The following PPME1 variants were observed in gnomAD, a reference collection of about 807,000 sequenced individuals.
PPME1 encodes testicular secretory protein Li 39.
Under a neutral mutation model 56.9 loss-of-function variants are expected in PPME1, and 17 were observed. The ratio of observed to expected loss-of-function variants is 0.30; its 90% CI spans 0.20 to 0.45. The LOEUF is 0.45. PPME1 is among the 20% of genes least tolerant of loss of function. The pLI is 1.00. For missense variants in PPME1, 357 were observed against 483.2 expected, an observed-to-expected ratio of 0.74 and a Z score of 2.45; for synonymous variants, 122 against 156.2, an observed-to-expected ratio of 0.78 and a Z score of 1.63.
chr11:74,189,384 G>T (rs1857775798), intron 1 of PPME1, among the ~76,000 whole-genome samples: 1 of 152,056 alleles, frequency 6.6e-6, no homozygotes, highest in South Asian at 2.1e-4. Context: ...TGACTCCCTG[G>T]GCTCAAGCTG....
chr11:74,233,072 C>T (rs972234564), intron 7 of PPME1, among the ~76,000 whole-genome samples: 3 of 151,620 alleles, frequency 2.0e-5, no homozygotes, highest in Non-Finnish European at 4.4e-5. Flanking sequence ...TGTGTCAGTA[C>T]CTGATCTAAG....
intron 11 of PPME1, chr11:74,247,459 T>A: frequency 5.6e-6 from 1 of 180,084 alleles, no homozygotes; most frequent in Non-Finnish European, 1.1e-5. Context: ...ATATTCTGAC[T>A]ACTGATCAGT....
At chr11:74,215,328 C>A (rs1037627259) in intron 3 of PPME1, among the ~76,000 whole-genome samples, 1 of 151,970 alleles carries the variant, frequency 6.6e-6, no homozygotes, top group Admixed American at 6.6e-5. Context: ...CAACTTGAGA[C>A]CCTGTCTTAG....
chr11:74,194,525 A>C (rs974374886), intron 1 of PPME1, among the ~76,000 whole-genome samples: 1 of 151,838 alleles, frequency 6.6e-6, no homozygotes, highest in Non-Finnish European at 1.5e-5. Flanking sequence ...GCGTTTAAGA[A>C]GAACGAATGA....
chr11:74,242,771 C>T (rs577501593), intron 9 of PPME1, among the ~76,000 whole-genome samples: 2 of 148,368 alleles, frequency 1.3e-5, no homozygotes, highest in Non-Finnish European at 3.0e-5. Context: ...CCCAGCTACT[C>T]GGGAGGCTGA....
chr11:74,223,926 G>C (rs1337876172), intron 4 of PPME1, among the ~76,000 whole-genome samples: 1 of 150,094 alleles, frequency 6.7e-6, no homozygotes, highest in East Asian at 2.0e-4. Flanking sequence ...TTCTTTTGCT[G>C]TGCAGAAGCT....
chr11:74,207,976 A>G (rs759922737), intron 3 of PPME1, among the ~76,000 whole-genome samples: 1 of 152,160 alleles, frequency 6.6e-6, no homozygotes, highest in Non-Finnish European at 1.5e-5. Context: ...TACTGAGTAT[A>G]TTCTATATCC....
intron 12 of PPME1, chr11:74,251,264 T>C: frequency 2.2e-6 from 3 of 1,371,972 alleles, no homozygotes; most frequent in Non-Finnish European, 2.8e-6. Flanking sequence ...GTTAAGATCT[T>C]AAGCTCTACT....
At chr11:74,232,439 G>T (rs1859090809) in intron 7 of PPME1, among the ~76,000 whole-genome samples, 1 of 152,194 alleles carries the variant, frequency 6.6e-6, no homozygotes, top group Admixed American at 6.5e-5. Flanking sequence ...TGGCTTGTCA[G>T]AATGATGTTT....
intron 1 of PPME1, among the ~76,000 whole-genome samples, chr11:74,176,721 CTTTTTT>C (rs780832040): frequency 9.8e-6 from 1 of 102,174 alleles, no homozygotes; most frequent in Admixed American, 1.1e-4. Flanking sequence ...GTGTAGTGTC[CTTTTTT>C]TTTTTTTTTT....
intron 3 of PPME1, among the ~76,000 whole-genome samples, chr11:74,211,964 A>C (rs1858488624): frequency 1.3e-5 from 2 of 152,328 alleles, no homozygotes; most frequent in South Asian, 4.1e-4. Context: ...AGAAGCCTCC[A>C]CTTGTCGTCC....
chr11:74,229,326 G>A (rs1859009675), intron 5 of PPME1, among the ~76,000 whole-genome samples: 1 of 152,176 alleles, frequency 6.6e-6, no homozygotes, highest in African/African-American at 2.4e-5. Flanking sequence ...GGTAGAACTA[G>A]CCTAAAAATA....
At chr11:74,197,213 T>C (rs1283593075) in intron 1 of PPME1, among the ~76,000 whole-genome samples, 1 of 152,226 alleles carries the variant, frequency 6.6e-6, no homozygotes, top group Non-Finnish European at 1.5e-5. Context: ...GCCTCAAAGC[T>C]ATTTAATAAT....
At position 74,187,210 on chromosome 11, in the gene PPME1, A is replaced by T. The variant is rs192776534; in HGVS notation, c.101+15688A>T. On this transcript the variant is annotated intron_variant, in intron 1 of 13. Coordinates refer to ENST00000328257, the MANE Select transcript of PPME1 (RefSeq NM_016147.3). The stretch of plus-strand genomic sequence containing the variant: ...AATGTTTCCAACTTTGTTCTTTTTT[A>T]AAAAACTTATTTTGGGTCCCTTGAA... Among the ~76,000 whole-genome samples the T allele has an allele frequency of 6.0e-3, 912 of 152,236 alleles. 4 individuals carry two copies. The highest frequency in any genetic ancestry group is 0.011 in the Non-Finnish European group (721 of 67,994).
chr11:74,220,061 A>T (rs115755858), intron 3 of PPME1, among the ~76,000 whole-genome samples: 1,755 of 152,252 alleles, frequency 0.012, 32 homozygotes, highest in African/African-American at 0.04. Context: ...CAAATTTTTT[A>T]AAAAACAATA....
At chr11:74,207,535 A>G (rs1858358506) in intron 3 of PPME1, among the ~76,000 whole-genome samples, 2 of 152,252 alleles carry the variant, frequency 1.3e-5, no homozygotes, top group South Asian at 4.1e-4. Flanking sequence ...GATAGTCTTT[A>G]AATATCTAGA....
chr11:74,176,424 A>G (rs747567792), intron 1 of PPME1, among the ~76,000 whole-genome samples: 8 of 151,968 alleles, frequency 5.3e-5, no homozygotes, highest in Non-Finnish European at 1.0e-4. Context: ...ATCAAATCCC[A>G]GTATTTCTGT....
chr11:74,195,714 A>G (rs1050259141), intron 1 of PPME1, among the ~76,000 whole-genome samples: 1 of 152,176 alleles, frequency 6.6e-6, no homozygotes, highest in Non-Finnish European at 1.5e-5. Context: ...AATACCTGTT[A>G]ATGTCTGGCT....
rs1379410547 is a variant in PPME1, at chr11:74,250,966, T to C, written c.1022T>C (p.Met341Thr). 1 of 1,601,164 alleles carries C rather than the reference T, an allele frequency of 6.2e-7. No individual in the cohort carries two copies. The highest frequency in any genetic ancestry group is 1.3e-5 in the African/African-American group (1 of 74,704). Reference protein sequence around the residue: ...TIGQMQGKFQMQVLPQCGHAV... With the variant: ...TIGQMQGKFQTQVLPQCGHAV... Reference sequence around the variant, plus strand: ...GATTCCTCTCCAGGGAAGTTCCAGATGCAGGTCCTACCCCAGTGTGGCCAT... The same window carrying C: ...GATTCCTCTCCAGGGAAGTTCCAGACGCAGGTCCTACCCCAGTGTGGCCAT... The change falls in exon 12 of 14, where the codon ATG (methionine) becomes ACG (threonine). Residue 341 changes from methionine (M) to threonine (T), a missense_variant. By Grantham distance (81) the Met-to-Thr change is moderately conservative. Coordinates refer to ENST00000328257, the MANE Select transcript of PPME1 (RefSeq NM_016147.3).
Sources: gnomAD v4.1 joint callset for allele counts (sites outside exome capture counted in the v4.1 genomes callset) on GRCh38, gnomAD v4.1.1 for gene constraint, MANE v1.5 for transcripts, NCBI Gene and HGNC (gene_info 2026-07-23, HGNC 2026-07-21) for gene names.